Variants in ATF1 observed in about 807,000 individuals in gnomAD.
ATF1 encodes the protein activating transcription factor 1.
In ATF1, 16 loss-of-function variants were observed where a neutral mutation model predicts 34.7. The ratio of observed to expected loss-of-function variants is 0.46; its 90% CI spans 0.31 to 0.70. The LOEUF is 0.70. Among genes scored for constraint, ATF1 ranks in the 30% least tolerant of loss-of-function variants. The pLI is 0.05. For synonymous variants in ATF1, 105 were observed against 113.1 expected, an observed-to-expected ratio of 0.93 and a Z score of 0.46; for missense variants, 255 against 321.6, an observed-to-expected ratio of 0.79 and a Z score of 1.58.
chr12:50,804,604 T>C (rs923000685), intron 3 of ATF1, among the ~76,000 whole-genome samples: 4 of 152,132 alleles, frequency 2.6e-5, no homozygotes, highest in Non-Finnish European at 5.9e-5. Context: ...TGAGCTATGA[T>C]TGAGCCACTA....
At chr12:50,818,630 G>A in intron 6 of ATF1, among the ~76,000 whole-genome samples, 1 of 152,032 alleles carries the variant, frequency 6.6e-6, no homozygotes, top group East Asian at 1.9e-4. Context: ...CTTTTTCTGA[G>A]ACAGAGTCTT....
At chr12:50,788,347 TAAACTTTTTGTA>T (rs776378592) in intron 2 of ATF1, 2 of 375,522 alleles carry the variant, frequency 5.3e-6, no homozygotes, top group South Asian at 1.9e-5. Context: ...CACATCCGGC[TAAACTTTTTGTA>T]TTTTTTTGTA....
At chr12:50,781,596 G>T (rs1461006072) in intron 2 of ATF1, among the ~76,000 whole-genome samples, 2 of 151,832 alleles carry the variant, frequency 1.3e-5, no homozygotes, top group South Asian at 2.1e-4. Flanking sequence ...GATTACAGGC[G>T]CCCACCACCA....
intron 2 of ATF1, among the ~76,000 whole-genome samples, chr12:50,784,897 ATTAT>A (rs149943270): frequency 0.027 from 4,099 of 150,920 alleles, 98 homozygotes; most frequent in Non-Finnish European, 0.04. Flanking sequence ...TTATTTATTT[ATTAT>A]TTATTATTAT....
At chr12:50,799,929 A>C (rs1941481376) in intron 3 of ATF1, among the ~76,000 whole-genome samples, 3 of 152,228 alleles carry the variant, frequency 2.0e-5, no homozygotes. Context: ...AGTATAGCGC[A>C]GAAAAAATAC....
chr12:50,818,915 G>A (rs1046939010), intron 6 of ATF1, among the ~76,000 whole-genome samples: 3 of 152,164 alleles, frequency 2.0e-5, no homozygotes, highest in South Asian at 4.1e-4. Flanking sequence ...CAATACTTCC[G>A]ATTTCTATAT....
chr12:50,779,861 A>T (rs1483726223), intron 1 of ATF1, among the ~76,000 whole-genome samples: 3 of 152,224 alleles, frequency 2.0e-5, no homozygotes, highest in African/African-American at 7.2e-5. Flanking sequence ...GTGTCCATAG[A>T]CAGGAGGACT....
chr12:50,776,138 C>T (rs1386182077), intron 1 of ATF1, among the ~76,000 whole-genome samples: 3 of 151,760 alleles, frequency 2.0e-5, no homozygotes, highest in Non-Finnish European at 2.9e-5. Context: ...CAGTGAAACC[C>T]CGTCTTTACT....
intron 2 of ATF1, among the ~76,000 whole-genome samples, chr12:50,795,093 C>T (rs1372677075): frequency 2.6e-5 from 4 of 152,136 alleles, no homozygotes; most frequent in Non-Finnish European, 4.4e-5. Context: ...TTGAATCATA[C>T]AGATTTTAAA....
chr12:50,812,107 C>T (rs1941749951), intron 4 of ATF1, among the ~76,000 whole-genome samples: 1 of 151,878 alleles, frequency 6.6e-6, no homozygotes, highest in South Asian at 2.1e-4. Context: ...GAGCTAATAC[C>T]CTATCAGACA....
chr12:50,796,080 A>G, intron 3 of ATF1, 71 bp downstream of exon 3: 1 of 1,278,156 alleles, frequency 7.8e-7, no homozygotes, highest in Non-Finnish European at 1.1e-6. Flanking sequence ...TGCTGTGCAA[A>G]GTACACTAAA....
intron 1 of ATF1, among the ~76,000 whole-genome samples, chr12:50,776,343 AT>A (rs1468219707): frequency 2.0e-5 from 2 of 100,004 alleles, no homozygotes; most frequent in East Asian, 1.9e-4. Flanking sequence ...TTTTTTTTTA[AT>A]TAGCCAGATA....
At chr12:50,764,966 G>C (rs1267315641) in intron 1 of ATF1, among the ~76,000 whole-genome samples, 1 of 152,224 alleles carries the variant, frequency 6.6e-6, no homozygotes, top group Non-Finnish European at 1.5e-5. Context: ...GGGCGACCCA[G>C]CCGAGGGTGA....
chr12:50,777,200 A>G (rs1281816216), intron 1 of ATF1, among the ~76,000 whole-genome samples: 1 of 152,230 alleles, frequency 6.6e-6, no homozygotes, highest in East Asian at 1.9e-4. Context: ...GAAAATATGT[A>G]TGATAAATGA....
Position 50,809,506 on chromosome 12 carries a change from A to T in ATF1, c.245A>T (p.Asp82Val), listed in dbSNP as rs1036381239. ...SSEDTRGRKG[D>V]GENSGVSAAV... ...GAAGATACACGGGGCAGAAAAGGAG[A>T]CGGAGAAAATTCTGGAGTTTCTGCT... The change falls in exon 4 of 7, where the codon GAC (aspartate) becomes GTC (valine). Residue 82 changes from aspartate (D) to valine (V), a missense_variant. Transcript: ENST00000262053. 29 of 1,613,488 alleles carry T rather than the reference A, an allele frequency of 1.8e-5. No homozygotes were observed. Among genetic ancestry groups the T allele is most frequent in the Non-Finnish European group, 2.4e-5 (28 of 1,179,702 alleles).
At chr12:50,768,715 T>C (rs571101930) in intron 1 of ATF1, among the ~76,000 whole-genome samples, 1 of 152,358 alleles carries the variant, frequency 6.6e-6, no homozygotes, top group East Asian at 1.9e-4. Flanking sequence ...AAATAACTAA[T>C]GCCTTTTAGT....
In ATF1 at chr12:50,777,369, A is replaced by G. The variant is rs184787252; in HGVS notation, c.-6-2771A>G. Reference sequence around the variant, plus strand: ...ATTGTGTATTTTCCATGTAAGAAGAAAAAGACTAGTGGTGTATTTGAGGGG... The same window carrying G: ...ATTGTGTATTTTCCATGTAAGAAGAGAAAGACTAGTGGTGTATTTGAGGGG... On this transcript the variant is annotated intron_variant, in intron 1 of 6. Coordinates refer to ENST00000262053, the MANE Select transcript of ATF1 (RefSeq NM_005171.5). Among the ~76,000 whole-genome samples, 451 of 152,294 alleles carry G rather than the reference A, an allele frequency of 3.0e-3. 2 individuals carry two copies. The highest frequency in any genetic ancestry group is 0.01 in the African/African-American group (432 of 41,574).
Position 50,820,388 on chromosome 12 carries a change from G to T in ATF1, c.*609G>T, listed in dbSNP as rs1240039079. On this transcript the variant is annotated 3_prime_UTR_variant, in exon 7 of 7. Coordinates refer to ENST00000262053, the MANE Select transcript of ATF1 (RefSeq NM_005171.5). The stretch of plus-strand genomic sequence containing the variant: ...TATTTTTGAGGTCTTATCCTAAAAG[G>T]CATCTAAGGTACATGAATGGAGTAT... 5.3e-6 allele frequency: 1 copy of T among 187,512 alleles called. No individual in the cohort carries two copies. The highest frequency in any genetic ancestry group is 1.1e-5 in the Non-Finnish European group (1 of 88,878). The allele number at this position is 187,512 out of a possible 1,614,324, so 11.6% of individuals were successfully genotyped here.
chr12:50,804,197 A>G (rs1941569386), intron 3 of ATF1, among the ~76,000 whole-genome samples: 1 of 152,212 alleles, frequency 6.6e-6, no homozygotes, highest in Admixed American at 6.5e-5. Context: ...CTAAAGTAAA[A>G]GGATGGTTAA....
Sources: gnomAD v4.1 joint callset for allele counts (sites outside exome capture counted in the v4.1 genomes callset) on GRCh38, gnomAD v4.1.1 for gene constraint, MANE v1.5 for transcripts, NCBI Gene and HGNC (gene_info 2026-07-23, HGNC 2026-07-21) for gene names.